RAD51C: variants seen among roughly 807,000 people sequenced by gnomAD.
RAD51C encodes the protein DNA repair protein RAD51 homolog 3.
Under a neutral mutation model 45.0 loss-of-function variants are expected in RAD51C, and 42 were observed. That is an observed-to-expected ratio of 0.93 (90% CI 0.73 to 1.21). RAD51C has a LOEUF of 1.21. Among genes scored for constraint, RAD51C ranks in the 50% most tolerant of loss-of-function variants. The pLI is 0.00. For missense variants in RAD51C, 474 were observed against 452.2 expected (o/e 1.05, Z -0.44); for synonymous variants, 172 against 159.8 (o/e 1.08, Z -0.58).
At chr17:58,729,279 G>A (rs1471016272) in intron 7 of RAD51C, among the ~76,000 whole-genome samples, 4 of 152,054 alleles carry the variant, frequency 2.6e-5, no homozygotes, top group Non-Finnish European at 4.4e-5. Context: ...GTGCAGTGGC[G>A]CAATCTCAGC....
At chr17:58,694,156 TA>T (rs2047906424) in intron 1 of RAD51C, 1 of 152,254 alleles carries the variant, frequency 6.6e-6, no homozygotes, top group South Asian at 2.1e-4. Flanking sequence ...ATGAATTTTT[TA>T]CATCAGTTAT....
rs1392340308 is a variant in RAD51C, at chr17:58,703,153, A to G, written c.572-43A>G. The G allele has an allele frequency of 3.8e-6, 6 of 1,596,756 alleles. No individual in the cohort carries two copies. The East Asian group carries it at 1.1e-4, about 30-fold the overall frequency. ...ATTGTTTTTCTACAATTGCCAATAC[A>G]TCCAAACAGGTAAAACTAATTAAGA... On this transcript the variant is annotated intron_variant, in intron 3 of 8. Transcript: ENST00000337432.
intron 1 of RAD51C, 29 bp from the exon 2 acceptor site, chr17:58,694,901 AG>A (rs1567785612): frequency 1.3e-6 from 2 of 1,548,814 alleles, no homozygotes; most frequent in Non-Finnish European, 1.8e-6. Flanking sequence ...CTCTAAAATT[AG>A]GGTTCTTTTT....
At position 58,692,878 on chromosome 17, in the gene RAD51C, C is replaced by T. The variant is rs796780656; in HGVS notation, c.145+90C>T. The T allele has an allele frequency of 8.8e-6, 14 of 1,585,468 alleles. No individual in the cohort carries two copies. In the African/African-American group the frequency reaches 1.1e-4, roughly 12 times the overall value. ...CTCTCGCCTCGGCCTTCAGCCCAGT[C>T]TCCGTTAGATTCTGCTTCCTCCCAC... On this transcript the variant is annotated intron_variant, in intron 1 of 8. Transcript: ENST00000337432.
intron 7 of RAD51C, among the ~76,000 whole-genome samples, chr17:58,724,438 GA>G (rs113719550): frequency 0.15 from 22,021 of 147,374 alleles, 2,474 homozygotes; most frequent in East Asian, 0.31. Flanking sequence ...GGAAGAGATT[GA>G]AAAAAAAAAG....
At chr17:58,717,058 C>G (rs2048765505) in intron 5 of RAD51C, among the ~76,000 whole-genome samples, 2 of 152,036 alleles carry the variant, frequency 1.3e-5, no homozygotes, top group African/African-American at 4.8e-5. Context: ...CTCGGCCTCC[C>G]AAAGTGCTGG....
chr17:58,702,464 G>A (rs374411689), intron 3 of RAD51C, among the ~76,000 whole-genome samples: 1 of 152,008 alleles, frequency 6.6e-6, no homozygotes, highest in African/African-American at 2.4e-5. Flanking sequence ...AAGCTGAGGT[G>A]AGCAGATCAC....
chr17:58,699,581 A>G (rs981255610), intron 3 of RAD51C, among the ~76,000 whole-genome samples: 1 of 152,184 alleles, frequency 6.6e-6, no homozygotes, highest in Non-Finnish European at 1.5e-5. Flanking sequence ...TTTGAGCTGA[A>G]GGCAATTGAA....
At chr17:58,709,813 A>AT in intron 4 of RAD51C, 46 bp from the exon 5 acceptor site, 10 of 1,531,094 alleles carry the variant, frequency 6.5e-6, no homozygotes, top group Non-Finnish European at 9.0e-6. Context: ...TATTATTATT[A>AT]TTTTATTTTT....
At chr17:58,692,583 C>T (rs2143667143), upstream of RAD51C, 2 of 1,599,088 alleles carry the variant, frequency 1.3e-6, no homozygotes, top group Non-Finnish European at 8.5e-7. Flanking sequence ...GACGTCACGC[C>T]GCACGCCCCA....
In RAD51C at chr17:58,703,096, A is replaced by T. The variant is rs2143794686; in HGVS notation, c.572-100A>T. On this transcript the variant is annotated intron_variant, in intron 3 of 8. Transcript: ENST00000337432. ...CATCTTTCAGTTAAAGAATTTTGTT[A>T]TCCAAAGGAGAACATTTTGTTATTA... The T allele has an allele frequency of 2.3e-6, 3 of 1,315,242 alleles. No individual in the cohort carries two copies. In the South Asian group the frequency reaches 3.7e-5, roughly 16 times the overall value. The allele number at this position is 1,315,242 out of a possible 1,614,324, so 81.5% of individuals were successfully genotyped here. A position where few individuals can be genotyped will look rare whatever the true frequency, so the allele number is the denominator to read the frequency against.
rs577365260 is a variant in RAD51C, at chr17:58,729,248, G to A, written c.966-3236G>A. 4.5e-3 allele frequency among the ~76,000 whole-genome samples: 688 copies of A among 152,062 alleles called. 4 individuals carry two copies. The highest frequency in any genetic ancestry group is 5.6e-3 in the Non-Finnish European group (383 of 67,948). On this transcript the variant is annotated intron_variant, in intron 7 of 8. Coordinates refer to ENST00000337432, the MANE Select transcript of RAD51C (RefSeq NM_058216.3). ...GGTTTTGTTTTTGAGATGGAGTTTC[G>A]CTTTTGTTGCCCAGGCTGGAGTGCA... is the stretch of plus-strand genomic sequence containing the variant.
chr17:58,724,129 G>A (rs989931687), intron 7 of RAD51C, 29 bp downstream of exon 7: 14 of 1,572,586 alleles, frequency 8.9e-6, no homozygotes, highest in South Asian at 2.2e-5. Context: ...TAATAACTCC[G>A]AATATTGGGT....
At chr17:58,699,675 G>A (rs766382225) in intron 3 of RAD51C, among the ~76,000 whole-genome samples, 3 of 152,154 alleles carry the variant, frequency 2.0e-5, no homozygotes, top group African/African-American at 7.2e-5. Context: ...CTTACAGGAA[G>A]ACAAAAGTTA....
At chr17:58,714,749 G>A (rs1327989854) in intron 5 of RAD51C, among the ~76,000 whole-genome samples, 1 of 152,138 alleles carries the variant, frequency 6.6e-6, no homozygotes, top group Non-Finnish European at 1.5e-5. Context: ...GAGCCACCAC[G>A]CCCAGCTAGG....
intron 6 of RAD51C, among the ~76,000 whole-genome samples, chr17:58,722,330 T>C (rs1226346529): frequency 1.3e-5 from 2 of 152,176 alleles, no homozygotes; most frequent in East Asian, 3.8e-4. Context: ...GCTAGGATAT[T>C]GTTCAATAGA....
intron 4 of RAD51C, among the ~76,000 whole-genome samples, chr17:58,704,886 T>A (rs1020647407): frequency 6.6e-6 from 1 of 151,938 alleles, no homozygotes; most frequent in African/African-American, 2.4e-5. Flanking sequence ...ATCTCTTTGT[T>A]ATTTTATTTA....
intron 5 of RAD51C, among the ~76,000 whole-genome samples, chr17:58,720,345 G>A (rs1452480193): frequency 6.6e-6 from 1 of 151,204 alleles, no homozygotes; most frequent in African/African-American, 2.4e-5. Flanking sequence ...GAACCCAGGA[G>A]GCAGAGCTTG....
intron 7 of RAD51C, 45 bp downstream of exon 7, chr17:58,724,145 A>C (rs1195184021): frequency 1.3e-6 from 2 of 1,535,218 alleles, no homozygotes; most frequent in Admixed American, 1.7e-5. Flanking sequence ...TGGGTTAATT[A>C]TACTGAATGA....
Sources: allele counts gnomAD v4.1 joint callset (sites outside exome capture counted in the v4.1 genomes callset), GRCh38; gene constraint gnomAD v4.1.1; transcripts MANE v1.5; gene names NCBI Gene and HGNC (gene_info 2026-07-23, HGNC 2026-07-21).